The following EZR variants were observed in gnomAD, a reference collection of about 807,000 sequenced individuals.
EZR encodes cytovillin 2.
In EZR, 40 loss-of-function variants were observed where a neutral mutation model predicts 74.8. The observed-to-expected ratio is 0.53, with a 90% CI of 0.42 to 0.70. The LOEUF is 0.70. Among genes scored for constraint, EZR ranks in the 30% least tolerant of loss-of-function variants. EZR has a pLI of 0.00. For missense variants in EZR, 678 were observed against 755.8 expected, an observed-to-expected ratio of 0.90 and a Z score of 1.21; for synonymous variants, 341 against 283.3, an observed-to-expected ratio of 1.20 and a Z score of -2.05.
intron 10 of EZR, 146 bp from the exon 11 acceptor site, chr6:158,770,090 A>G (rs2128565189): frequency 9.3e-7 from 1 of 1,077,996 alleles, no homozygotes. Context: ...GGAGGAAAGC[A>G]CTTCACAGAG....
At chr6:158,803,528 TA>T (rs57629824) in intron 2 of EZR, among the ~76,000 whole-genome samples, 46,049 of 66,558 alleles carry the variant, frequency 0.69, 13,590 homozygotes, top group Non-Finnish European at 0.72. Context: ...TATGTAACAT[TA>T]TATATATATA....
chr6:158,818,851 G>A (rs1446270730), intron 1 of EZR, among the ~76,000 whole-genome samples: 8 of 147,390 alleles, frequency 5.4e-5, no homozygotes, highest in East Asian at 2.1e-4. Context: ...CAGGGCGGGC[G>A]GGGGGGCACT....
At chr6:158,767,683 C>T (rs1272171427) in intron 12 of EZR, among the ~76,000 whole-genome samples, 171 bp from the exon 13 acceptor site, 1 of 152,148 alleles carries the variant, frequency 6.6e-6, no homozygotes, top group Non-Finnish European at 1.5e-5. Context: ...GTTTACAACC[C>T]TCTGCGTCCA....
At chr6:158,794,734 T>C (rs759723227) in intron 2 of EZR, among the ~76,000 whole-genome samples, 3 of 151,784 alleles carry the variant, frequency 2.0e-5, no homozygotes, top group Non-Finnish European at 4.4e-5. Context: ...CAGTTAGTCA[T>C]CCAAGATCTA....
intron 7 of EZR, among the ~76,000 whole-genome samples, chr6:158,779,600 G>A (rs569621710): frequency 6.6e-6 from 1 of 152,260 alleles, no homozygotes; most frequent in South Asian, 2.1e-4. Flanking sequence ...GTCTTACTCT[G>A]TCACCCAGGC....
At chr6:158,814,919 G>A (rs1562509512) in intron 2 of EZR, among the ~76,000 whole-genome samples, 2 of 152,302 alleles carry the variant, frequency 1.3e-5, no homozygotes, top group East Asian at 1.9e-4. Context: ...CAGTTATACT[G>A]TTTTATGAAT....
At chr6:158,814,905 T>C (rs1437117631) in intron 2 of EZR, among the ~76,000 whole-genome samples, 2 of 152,206 alleles carry the variant, frequency 1.3e-5, no homozygotes, top group African/African-American at 4.8e-5. Context: ...GAAATGAGTA[T>C]TTTCAGTTAT....
At chr6:158,771,067 A>G (rs1347467793) in intron 9 of EZR, among the ~76,000 whole-genome samples, 173 bp from the exon 10 acceptor site, 2 of 152,202 alleles carry the variant, frequency 1.3e-5, no homozygotes, top group African/African-American at 4.8e-5. Flanking sequence ...GGCTGACAAC[A>G]GGCTCAGCAC....
intron 2 of EZR, among the ~76,000 whole-genome samples, chr6:158,806,065 A>G (rs1777333066): frequency 6.6e-6 from 1 of 152,274 alleles, no homozygotes; most frequent in African/African-American, 2.4e-5. Flanking sequence ...ATACAAAGTA[A>G]TAGTGGAAAA....
At chr6:158,770,678 C>T (rs2128565899) in intron 10 of EZR, 86 bp downstream of exon 10, 2 of 1,516,450 alleles carry the variant, frequency 1.3e-6, no homozygotes, top group Non-Finnish European at 1.8e-6. Context: ...GGTTTCCTTC[C>T]TGGTGAGTGG....
chr6:158,818,062 C>A lies in EZR; in HGVS notation c.12+20G>T. The A allele has an allele frequency of 6.2e-7, 1 of 1,608,722 alleles. No individual in the cohort carries two copies. Among genetic ancestry groups the A allele is most frequent in the Non-Finnish European group, 8.5e-7 (1 of 1,176,402 alleles). ...ATGAAGCCTCTCCCGTCCGCCCGGC[C>A]CAGAAACTGGGCAACTTACTGGTTT... On this transcript the variant is annotated intron_variant, in intron 2 of 13. Coordinates refer to ENST00000367075, the MANE Select transcript of EZR (RefSeq NM_001111077.2).
chr6:158,766,596 CACAGGCCAGCATGAAGTTTCTT>C lies in EZR; in HGVS notation c.*296_*317del, dbSNP rs1790860523. 2 of 301,792 alleles carry C rather than the reference CACAGGCCAGCATGAAGTTTCTT, an allele frequency of 6.6e-6. No homozygotes were observed. The highest frequency in any genetic ancestry group is 1.6e-4 in the South Asian group (2 of 12,720). The allele number at this position is 301,792 out of a possible 1,614,324, so 18.7% of individuals were successfully genotyped here. On this transcript the variant is annotated 3_prime_UTR_variant, in exon 14 of 14. Coordinates refer to ENST00000367075, the MANE Select transcript of EZR (RefSeq NM_001111077.2). ...TTTAATGATGCTGACTCTTGTATCA[CACAGGCCAGCATGAAGTTTCTT>C]ACTCAGACTTTACAGGCATTTTCCG... is the stretch of plus-strand genomic sequence containing the variant.
At chr6:158,790,411 A>AGT (rs1791707623) in intron 2 of EZR, among the ~76,000 whole-genome samples, 1 of 152,258 alleles carries the variant, frequency 6.6e-6, no homozygotes, top group African/African-American at 2.4e-5. Flanking sequence ...ATTGGCTCAC[A>AGT]CACCTGTAAT....
At position 158,771,303 on chromosome 6, in the gene EZR, G is replaced by T. The variant is rs139648265; in HGVS notation, c.900C>A (p.Ile300=). 142 of 1,614,026 alleles carry T rather than the reference G, an allele frequency of 8.8e-5. No individual in the cohort carries two copies. The highest frequency in any genetic ancestry group is 3.3e-5 in the Admixed American group (2 of 59,996). The change falls in exon 9 of 14, where the codon ATC becomes ATA. Residue 300 remains isoleucine (I), a synonymous_variant. Transcript: ENST00000367075. ...LYMRRRKPDT[I]EVQQMKAQAR... ...CCTGGGCCTTCATCTGCTGCACCTC[G>T]ATGGTGTCAGGCTTCCTGCGGCGCA...
intron 2 of EZR, among the ~76,000 whole-genome samples, chr6:158,796,005 A>ACAGGC (rs1777062295): frequency 6.6e-6 from 1 of 152,212 alleles, no homozygotes; most frequent in South Asian, 2.1e-4. Flanking sequence ...TTCAAAGCCC[A>ACAGGC]CAGGCCAGGT....
rs1790870368 is a variant in EZR at position 158,766,676 on chromosome 6, A to G, written c.*238T>C. On this transcript the variant is annotated 3_prime_UTR_variant, in exon 14 of 14. Coordinates refer to ENST00000367075, the MANE Select transcript of EZR (RefSeq NM_001111077.2). ...ATCAGTCCTGCTCCCAGCACAACACAGGAGGTGATTCGAGAATAATCGCGA... is the reference window on the plus strand; with the variant it reads ...ATCAGTCCTGCTCCCAGCACAACACGGGAGGTGATTCGAGAATAATCGCGA... 1 of 562,432 alleles carries G rather than the reference A, an allele frequency of 1.8e-6. No individual in the cohort carries two copies. The highest frequency in any genetic ancestry group is 3.2e-6 in the Non-Finnish European group (1 of 314,764). 34.8% of individuals were successfully genotyped at this position (562,432 alleles called of 1,614,324 possible).
chr6:158,779,330 C>G (rs1398202760), intron 7 of EZR, among the ~76,000 whole-genome samples: 2 of 152,120 alleles, frequency 1.3e-5, no homozygotes, highest in Non-Finnish European at 2.9e-5. Context: ...TCGAAGGAGA[C>G]AGGGAGGTCT....
At chr6:158,817,822 T>C (rs1011046282) in intron 2 of EZR, among the ~76,000 whole-genome samples, 3 of 152,078 alleles carry the variant, frequency 2.0e-5, no homozygotes, top group East Asian at 1.9e-4. Context: ...CTCTAGTTTT[T>C]AGAAAAGACC....
At chr6:158,767,129 GCCCGT>G (rs1790905710) in intron 13 of EZR, 51 bp from the exon 14 acceptor site, 2 of 1,603,908 alleles carry the variant, frequency 1.2e-6, no homozygotes, top group East Asian at 2.2e-5. Context: ...ATATGGCCCG[GCCCGT>G]CCCCTAGGAA....
Sources: allele counts gnomAD v4.1 joint callset (sites outside exome capture counted in the v4.1 genomes callset), GRCh38; gene constraint gnomAD v4.1.1; transcripts MANE v1.5; gene names NCBI Gene and HGNC (gene_info 2026-07-23, HGNC 2026-07-21).